KIAA1217: variants seen among roughly 807,000 people sequenced by gnomAD.
KIAA1217 encodes sickle tail protein homolog.
A neutral mutation model predicts 163.9 loss-of-function variants in KIAA1217; 88 were observed. That is an observed-to-expected ratio of 0.54 (90% CI 0.45 to 0.64). The LOEUF is 0.64. KIAA1217 is among the 30% of genes least tolerant of loss of function. KIAA1217 has a pLI of 0.00. For missense variants in KIAA1217, 2,372 were observed against 2,475.0 expected, an observed-to-expected ratio of 0.96 and a Z score of 0.88; for synonymous variants, 903 against 923.1, an observed-to-expected ratio of 0.98 and a Z score of 0.39.
intron 1 of KIAA1217, among the ~76,000 whole-genome samples, chr10:23,773,554 A>G (rs1391419413): frequency 6.6e-6 from 1 of 152,146 alleles, no homozygotes; most frequent in African/African-American, 2.4e-5. Flanking sequence ...TACTTTGGGC[A>G]GTATGGCCAT....
intron 1 of KIAA1217, among the ~76,000 whole-genome samples, chr10:23,775,707 G>A (rs1369381195): frequency 6.6e-6 from 1 of 152,108 alleles, no homozygotes; most frequent in Admixed American, 6.5e-5. Context: ...ATACCTTTTA[G>A]GTCATACTAG....
intron 2 of KIAA1217, among the ~76,000 whole-genome samples, chr10:24,347,955 C>T (rs1470965912): frequency 6.6e-6 from 1 of 152,222 alleles, no homozygotes; most frequent in East Asian, 1.9e-4. Context: ...GAATGCGTGT[C>T]ATTCATATGC....
intron 3 of KIAA1217, among the ~76,000 whole-genome samples, chr10:24,400,970 C>A (rs2056462934): frequency 6.6e-6 from 1 of 150,830 alleles, no homozygotes; most frequent in Non-Finnish European, 1.5e-5. Flanking sequence ...CATACACACA[C>A]ACACACACAC....
intron 2 of KIAA1217, among the ~76,000 whole-genome samples, chr10:24,276,654 G>A (rs1029460784): frequency 4.7e-5 from 7 of 149,692 alleles, no homozygotes; most frequent in South Asian, 2.1e-4. Context: ...TTGTCACCGA[G>A]GCCGTAGTGC....
intron 1 of KIAA1217, among the ~76,000 whole-genome samples, chr10:23,768,048 G>A (rs774542492): frequency 6.6e-6 from 1 of 152,228 alleles, no homozygotes; most frequent in African/African-American, 2.4e-5. Flanking sequence ...CCTGGGAGAA[G>A]TTACCTCCCA....
intron 3 of KIAA1217, among the ~76,000 whole-genome samples, chr10:24,390,756 T>C (rs1385868791): frequency 6.6e-6 from 1 of 152,208 alleles, no homozygotes; most frequent in African/African-American, 2.4e-5. Flanking sequence ...AATTAACCAT[T>C]GTAAGGAATA....
At chr10:23,811,298 TA>T (rs201234283) in intron 1 of KIAA1217, among the ~76,000 whole-genome samples, 2,375 of 146,290 alleles carry the variant, frequency 0.016, 16 homozygotes, top group Non-Finnish European at 0.026. Flanking sequence ...GCATATATAG[TA>T]TGTGTATATA....
chr10:23,884,508 C>T (rs1485273857), intron 1 of KIAA1217, among the ~76,000 whole-genome samples: 1 of 151,906 alleles, frequency 6.6e-6, no homozygotes, highest in Admixed American at 6.6e-5. Context: ...CTTCTTAGAG[C>T]AGCAATCGGG....
intron 2 of KIAA1217, among the ~76,000 whole-genome samples, chr10:24,022,760 G>A (rs1478753466): frequency 6.6e-6 from 1 of 151,230 alleles, no homozygotes; most frequent in Non-Finnish European, 1.5e-5. Flanking sequence ...TTCCTAAACG[G>A]GAATATTATG....
At chr10:24,507,127 G>A (rs537038733) in intron 9 of KIAA1217, among the ~76,000 whole-genome samples, 4 of 152,202 alleles carry the variant, frequency 2.6e-5, no homozygotes, top group African/African-American at 9.6e-5. Context: ...TAGCCCCAGA[G>A]GAAAGACTAC....
intron 2 of KIAA1217, among the ~76,000 whole-genome samples, chr10:24,017,385 G>A (rs1847532389): frequency 6.6e-6 from 1 of 152,066 alleles, no homozygotes; most frequent in African/African-American, 2.4e-5. Flanking sequence ...GATGCATGAA[G>A]TAGAGAGCCT....
At chr10:24,441,600 GA>G (rs541626892) in intron 5 of KIAA1217, among the ~76,000 whole-genome samples, 90 of 152,204 alleles carry the variant, frequency 5.9e-4, no homozygotes, top group African/African-American at 2.0e-3. Flanking sequence ...GAGCATTTTT[GA>G]GGCTAGTCTG....
chr10:23,869,807 C>G (rs1447548595), intron 1 of KIAA1217, among the ~76,000 whole-genome samples: 8 of 152,106 alleles, frequency 5.3e-5, no homozygotes, highest in African/African-American at 1.7e-4. Flanking sequence ...TTCATGGACA[C>G]TATTCCCAGG....
At chr10:23,853,283 T>C (rs1220473924) in intron 1 of KIAA1217, among the ~76,000 whole-genome samples, 2 of 152,246 alleles carry the variant, frequency 1.3e-5, no homozygotes, top group Non-Finnish European at 2.9e-5. Flanking sequence ...ATGCGGTTTT[T>C]GTCTTTGGTT....
chr10:24,476,825 GAGACACACACATACCACATGGACACACAA>G (rs1472248620), intron 6 of KIAA1217, among the ~76,000 whole-genome samples: 6 of 151,828 alleles, frequency 4.0e-5, no homozygotes, highest in African/African-American at 1.4e-4. Context: ...CAGACACACA[GAGACACACACATACCACATGGACACACAA>G]AGACACAGAC....
chr10:23,815,576 A>C (rs373898480), intron 1 of KIAA1217, among the ~76,000 whole-genome samples: 2 of 152,182 alleles, frequency 1.3e-5, no homozygotes, highest in Non-Finnish European at 2.9e-5. Flanking sequence ...CCTGGGAGGC[A>C]GAGCTTGCAG....
intron 1 of KIAA1217, among the ~76,000 whole-genome samples, chr10:23,972,759 A>G (rs954918393): frequency 1.3e-5 from 2 of 152,014 alleles, no homozygotes; most frequent in South Asian, 2.1e-4. Flanking sequence ...CATACATACC[A>G]TGGAATACTA....
rs558397468 is a variant in KIAA1217, at chr10:24,456,904, G to A, written c.847-16324G>A. 2.6e-5 allele frequency among the ~76,000 whole-genome samples: 4 copies of A among 151,962 alleles called. No homozygotes were observed. In the East Asian group the frequency reaches 5.8e-4, roughly 22 times the overall value. ...TTTTAGTAGAGTCAGGTTTCACCAC[G>A]TTGGCCAGGCTGCTCTCGAATTCCT... On this transcript the variant is annotated intron_variant, in intron 5 of 20. Coordinates refer to ENST00000376454, the MANE Select transcript of KIAA1217 (RefSeq NM_019590.5).
Position 24,501,575 on chromosome 10 carries a change from C to T in KIAA1217, c.2001+30C>T, listed in dbSNP as rs754972416. ...TCCTCATGCACGGCGGCCTCTGTCT[C>T]GGTTGCCCTGAGCTCTTCCTACCTT... On this transcript the variant is annotated intron_variant, in intron 9 of 20. Coordinates refer to ENST00000376454, the MANE Select transcript of KIAA1217 (RefSeq NM_019590.5). The T allele has an allele frequency of 8.8e-6, 14 of 1,598,624 alleles. No individual in the cohort carries two copies. The South Asian group carries it at 8.9e-5, about 10-fold the overall frequency.
Sources: allele counts gnomAD v4.1 joint callset (sites outside exome capture counted in the v4.1 genomes callset), GRCh38; gene constraint gnomAD v4.1.1; transcripts MANE v1.5; gene names NCBI Gene and HGNC (gene_info 2026-07-23, HGNC 2026-07-21).